The following SMAD6 variants were observed in gnomAD, a reference collection of about 807,000 sequenced individuals.
SMAD6 encodes MAD homolog 6.
A neutral mutation model predicts 39.4 loss-of-function variants in SMAD6; 103 were observed. The observed-to-expected ratio is 2.62, with a 90% confidence interval of 2.23 to 3.08. The LOEUF (loss-of-function observed/expected upper bound fraction) is 3.08, where lower values mean the gene tolerates loss of function less well. Among genes scored for constraint, SMAD6 ranks in the 30% most tolerant of loss-of-function variants. The pLI is 0.00. For missense variants in SMAD6, 1,104 were observed against 742.9 expected (o/e 1.49, Z -5.65); for synonymous variants, 445 against 353.3 (o/e 1.26, Z -2.91).
At chr15:66,749,974 C>T (rs538841449) in intron 3 of SMAD6, among the ~76,000 whole-genome samples, 13 of 152,250 alleles carry the variant, frequency 8.5e-5, no homozygotes, top group East Asian at 1.9e-4. Context: ...CCAGCCCTGG[C>T]GAGGTTTTGT....
chr15:66,732,258 C>G (rs1893644097), intron 3 of SMAD6, among the ~76,000 whole-genome samples: 1 of 152,090 alleles, frequency 6.6e-6, no homozygotes, highest in Non-Finnish European at 1.5e-5. Context: ...TTTAAATCAC[C>G]TTCCTAATGA....
Position 66,781,496 on chromosome 15 carries a change from C to A in SMAD6, c.1452C>A (p.Cys484Ter). The A allele has an allele frequency of 6.3e-7, 1 of 1,575,822 alleles. No individual in the cohort carries two copies. The highest frequency in any genetic ancestry group is 8.6e-7 in the Non-Finnish European group (1 of 1,163,902). Reference protein sequence around the residue: ...PCYSRQFITSCPCWLEILLNN... With the variant: ...PCYSRQFITS ...ACTCCCGGCAGTTCATCACCTCCTG[C>A]CCCTGCTGGCTGGAGATCCTCCTCA... The change falls in exon 4 of 4, where the codon TGC becomes TGA. Residue 484 changes from cysteine to a stop codon, truncating the protein, a stop_gained. Coordinates refer to ENST00000288840, the MANE Select transcript of SMAD6 (RefSeq NM_005585.5). LOFTEE classifies it high-confidence loss of function.
chr15:66,733,421 A>G (rs1893664191), intron 3 of SMAD6, among the ~76,000 whole-genome samples: 2 of 152,226 alleles, frequency 1.3e-5, no homozygotes, highest in Non-Finnish European at 2.9e-5. Flanking sequence ...CTTATAGTCA[A>G]TGAACATAAT....
intron 3 of SMAD6, among the ~76,000 whole-genome samples, chr15:66,774,321 C>T (rs546228412): frequency 5.3e-5 from 8 of 152,206 alleles, no homozygotes; most frequent in East Asian, 1.9e-4. Context: ...CAGCACTCCC[C>T]GCCTCCCTCA....
intron 3 of SMAD6, among the ~76,000 whole-genome samples, chr15:66,722,848 C>T (rs971343255): frequency 6.6e-6 from 1 of 152,142 alleles, no homozygotes; most frequent in Non-Finnish European, 1.5e-5. Context: ...CCCAGCCAAC[C>T]TGTGTCTGCC....
chr15:66,731,763 T>C (rs944503017), intron 3 of SMAD6, among the ~76,000 whole-genome samples: 1 of 152,216 alleles, frequency 6.6e-6, no homozygotes, highest in Non-Finnish European at 1.5e-5. Flanking sequence ...GCTGGGTATA[T>C]GGTTGAAAGT....
In SMAD6 at chr15:66,720,056, G is replaced by A. The variant is rs181311099; in HGVS notation, c.952+3558G>A. 9.9e-4 allele frequency among the ~76,000 whole-genome samples: 151 copies of A among 152,248 alleles called. 4 individuals carry two copies. In the South Asian group the frequency reaches 0.029, roughly 29 times the overall value. The stretch of plus-strand genomic sequence containing the variant: ...AGAACTTTGGCACTCTGGTTTCCTC[G>A]CCTAATTCAGGGCGTGGGGTGCTGT... On this transcript the variant is annotated intron_variant, in intron 3 of 3. Coordinates refer to ENST00000288840, the MANE Select transcript of SMAD6 (RefSeq NM_005585.5).
At chr15:66,770,283 G>C (rs2140668835) in intron 3 of SMAD6, among the ~76,000 whole-genome samples, 1 of 152,268 alleles carries the variant, frequency 6.6e-6, no homozygotes, top group Non-Finnish European at 1.5e-5. Context: ...GGGTTCAGTT[G>C]GTGAACTTGG....
chr15:66,759,995 T>G (rs1894169975), intron 3 of SMAD6, among the ~76,000 whole-genome samples: 1 of 152,200 alleles, frequency 6.6e-6, no homozygotes, highest in Non-Finnish European at 1.5e-5. Context: ...CTAGCCCTTC[T>G]GCAATCTGGT....
chr15:66,725,044 T>C (rs1046318781), intron 3 of SMAD6, among the ~76,000 whole-genome samples: 1 of 152,214 alleles, frequency 6.6e-6, no homozygotes, highest in Admixed American at 6.5e-5. Flanking sequence ...CTGGCATGCT[T>C]TCCCTGGGCG....
chr15:66,762,480 G>A (rs1894217082), intron 3 of SMAD6, among the ~76,000 whole-genome samples: 2 of 152,168 alleles, frequency 1.3e-5, no homozygotes, highest in South Asian at 2.1e-4. Context: ...AGGGTTTCTG[G>A]GTGGAGCTCC....
intron 1 of SMAD6, among the ~76,000 whole-genome samples, chr15:66,708,993 C>T (rs951111507): frequency 2.0e-5 from 3 of 152,234 alleles, no homozygotes; most frequent in Non-Finnish European, 4.4e-5. Flanking sequence ...TCCCCTGTAA[C>T]ACCTGCAGCT....
chr15:66,708,872 T>C (rs981334919), intron 1 of SMAD6: 9 of 393,468 alleles, frequency 2.3e-5, no homozygotes, highest in Non-Finnish European at 4.4e-5. Flanking sequence ...ACACTGTGAA[T>C]ATACTCAAAA....
intron 3 of SMAD6, among the ~76,000 whole-genome samples, chr15:66,721,916 G>C (rs1893439961): frequency 1.3e-5 from 2 of 152,202 alleles, no homozygotes; most frequent in Admixed American, 1.3e-4. Context: ...CTTCCTGGAA[G>C]AGGCGATGTC....
intron 2 of SMAD6, among the ~76,000 whole-genome samples, chr15:66,715,288 GGA>G (rs1491375939): frequency 9.8e-6 from 1 of 102,024 alleles, no homozygotes; most frequent in Non-Finnish European, 2.2e-5. Context: ...AAACGAGAGA[GGA>G]AAAAAAAAAA....
chr15:66,730,789 T>C (rs1893613950), intron 3 of SMAD6, among the ~76,000 whole-genome samples: 1 of 152,212 alleles, frequency 6.6e-6, no homozygotes, highest in Non-Finnish European at 1.5e-5. Flanking sequence ...ACTTGATAGA[T>C]GAAAAAACTG....
At chr15:66,724,885 C>T (rs1216264526) in intron 3 of SMAD6, among the ~76,000 whole-genome samples, 3 of 152,158 alleles carry the variant, frequency 2.0e-5, no homozygotes, top group Non-Finnish European at 4.4e-5. Context: ...GGCCCCTACC[C>T]CTCACTATAC....
intron 3 of SMAD6, among the ~76,000 whole-genome samples, chr15:66,726,758 G>C (rs1306414265): frequency 6.6e-6 from 1 of 152,176 alleles, no homozygotes; most frequent in Non-Finnish European, 1.5e-5. Flanking sequence ...AAATGGGTCA[G>C]TTGGTCCAAA....
intron 2 of SMAD6, among the ~76,000 whole-genome samples, chr15:66,715,799 A>C (rs996565296): frequency 6.6e-6 from 1 of 152,006 alleles, no homozygotes; most frequent in African/African-American, 2.4e-5. Flanking sequence ...TTAAAAAAAA[A>C]CAGTCCAGGC....
Sources: gnomAD v4.1 joint callset for allele counts (sites outside exome capture counted in the v4.1 genomes callset) on GRCh38, gnomAD v4.1.1 for gene constraint, MANE v1.5 for transcripts, NCBI Gene and HGNC (gene_info 2026-07-23, HGNC 2026-07-21) for gene names.